The following ZNF423 variants were observed in gnomAD, a reference collection of about 807,000 sequenced individuals.
ZNF423 encodes the protein Ebf-associated zinc finger protein.
A neutral mutation model predicts 95.8 loss-of-function variants in ZNF423; 12 were observed. The ratio of observed to expected loss-of-function variants is 0.13; its 90% CI spans 0.08 to 0.20. The LOEUF (loss-of-function observed/expected upper bound fraction) is 0.20, where lower values mean the gene tolerates loss of function less well. Among genes scored for constraint, ZNF423 ranks in the 10% least tolerant of loss-of-function variants. The pLI is 1.00. For synonymous variants in ZNF423, 749 were observed against 711.9 expected, an observed-to-expected ratio of 1.05 and a Z score of -0.83; for missense variants, 1,316 against 1,737.1, an observed-to-expected ratio of 0.76 and a Z score of 4.31.
At chr16:49,803,855 G>A (rs1225786334) in intron 1 of ZNF423, among the ~76,000 whole-genome samples, 3 of 151,882 alleles carry the variant, frequency 2.0e-5, no homozygotes, top group Non-Finnish European at 2.9e-5. Flanking sequence ...AGAGCTCAAG[G>A]TGGGGTCTCT....
Position 49,637,550 on chromosome 16 carries a change from C to T in ZNF423, c.1626G>A (p.Glu542=). ...CACTGCAGTGGGCCTGCTGGATGTG[C>T]TCGGTGAGGGAGGACTCAGTAAGGA... ...MGFLTESSLT[E]HIQQAHCSVG... Residue 542 remains glutamate (E), a synonymous_variant, in exon 4 of 8, where the codon GAG becomes GAA. Transcript: ENST00000563137. This position sits in a 1 kb window ranked among gnomAD's most constrained non-coding sequence, Gnocchi z 5.6. 1.9e-6 allele frequency: 3 copies of T among 1,613,952 alleles called. No individual in the cohort carries two copies. Among genetic ancestry groups the T allele is most frequent in the South Asian group, 1.1e-5 (1 of 91,050 alleles).
At chr16:49,679,057 C>T (rs1243838346) in intron 3 of ZNF423, among the ~76,000 whole-genome samples, 1 of 152,224 alleles carries the variant, frequency 6.6e-6, no homozygotes, top group African/African-American at 2.4e-5. Flanking sequence ...ATCCTCCCAT[C>T]TCAGCTTCTC....
chr16:49,823,500 C>G (rs965530693), intron 1 of ZNF423, among the ~76,000 whole-genome samples: 1 of 152,192 alleles, frequency 6.6e-6, no homozygotes, highest in Non-Finnish European at 1.5e-5. Context: ...AAGCTGGTGT[C>G]TGAACAGGCC....
intron 5 of ZNF423, among the ~76,000 whole-genome samples, chr16:49,547,377 C>T (rs903817204): frequency 5.9e-5 from 9 of 152,142 alleles, no homozygotes; most frequent in African/African-American, 1.2e-4. Flanking sequence ...TACCAAAAGA[C>T]GACACTAAGG....
chr16:49,647,020 C>T (rs1284530149), intron 3 of ZNF423, among the ~76,000 whole-genome samples: 1 of 152,240 alleles, frequency 6.6e-6, no homozygotes, highest in Non-Finnish European at 1.5e-5. Flanking sequence ...TCTGAGCGCA[C>T]AGACATTGCA....
chr16:49,704,815 G>A (rs1379327616), intron 3 of ZNF423, among the ~76,000 whole-genome samples: 5 of 152,114 alleles, frequency 3.3e-5, no homozygotes, highest in South Asian at 2.1e-4. Flanking sequence ...GGCTGCCAGA[G>A]CTTGGAACCA....
chr16:49,746,529 G>A (rs575618105), intron 2 of ZNF423, among the ~76,000 whole-genome samples: 1 of 152,128 alleles, frequency 6.6e-6, no homozygotes, highest in Non-Finnish European at 1.5e-5. Flanking sequence ...CCTGGCTGGA[G>A]AGCAGTGGCA....
intron 5 of ZNF423, 78 bp from the exon 6 acceptor site, chr16:49,525,572 ACCCCAGCACTAACCCCCCTCCAAT>A: frequency 6.3e-7 from 1 of 1,579,546 alleles, no homozygotes; most frequent in Non-Finnish European, 8.6e-7. Context: ...CCTCCCATAG[ACCCCAGCACTAACCCCCCTCCAAT>A]CCCCAGCACC....
At chr16:49,589,190 T>A (rs1349547490) in intron 5 of ZNF423, among the ~76,000 whole-genome samples, 3 of 152,162 alleles carry the variant, frequency 2.0e-5, no homozygotes, top group Non-Finnish European at 4.4e-5. Flanking sequence ...TCAAAGTCCA[T>A]CACAAAGGGG....
intron 3 of ZNF423, among the ~76,000 whole-genome samples, chr16:49,677,223 C>A: frequency 4.8e-5 from 2 of 41,626 alleles, no homozygotes; most frequent in Non-Finnish European, 1.1e-4. Flanking sequence ...AACATAGAAA[C>A]AAGAAAAGAG....
chr16:49,695,823 T>C lies in ZNF423; in HGVS notation c.301+34948A>G, dbSNP rs116418409. On this transcript the variant is annotated intron_variant, in intron 3 of 7. Transcript: ENST00000563137. ...CTGGAATCCAGACTAGACAATTTAG[T>C]ACAAGAAGGACAACAGCTACTACTG... Among the ~76,000 whole-genome samples, 606 of 152,316 alleles carry C rather than the reference T, an allele frequency of 4.0e-3. 7 individuals carry two copies. The highest frequency in any genetic ancestry group is 0.014 in the African/African-American group (564 of 41,570).
intron 3 of ZNF423, among the ~76,000 whole-genome samples, chr16:49,645,571 A>G (rs1973139288): frequency 6.6e-6 from 1 of 152,202 alleles, no homozygotes; most frequent in South Asian, 2.1e-4. Flanking sequence ...TCTTCCAAAA[A>G]AGGAGCTGTC....
chr16:49,533,726 C>G (rs1482837500), intron 5 of ZNF423, among the ~76,000 whole-genome samples: 1 of 152,226 alleles, frequency 6.6e-6, no homozygotes, highest in Non-Finnish European at 1.5e-5. Context: ...GGAGGAGAAT[C>G]CTGGCTCTGC....
At chr16:49,609,243 G>A (rs1971639502) in intron 5 of ZNF423, among the ~76,000 whole-genome samples, 1 of 152,124 alleles carries the variant, frequency 6.6e-6, no homozygotes, top group African/African-American at 2.4e-5. Context: ...TGGGGTCAAA[G>A]GAAGCCAGCT....
chr16:49,815,871 AAAAAAAAAAAATATATAT>A (rs1567355998), intron 1 of ZNF423, among the ~76,000 whole-genome samples: 2 of 25,834 alleles, frequency 7.7e-5, no homozygotes, highest in African/African-American at 3.6e-4. Context: ...CCAAACAAAC[AAAAAAAAAAAATATATAT>A]ATATATATAT....
At chr16:49,523,504 CCT>C (rs1355019088) in intron 7 of ZNF423, 118 bp downstream of exon 7, 6 of 794,460 alleles carry the variant, frequency 7.6e-6, no homozygotes, top group East Asian at 5.3e-5. Flanking sequence ...GAGGTCAGCC[CCT>C]GATTGCAGAC....
At chr16:49,651,141 T>C (rs2356616) in intron 3 of ZNF423, among the ~76,000 whole-genome samples, 114,175 of 150,952 alleles carry the variant, frequency 0.76, 43,647 homozygotes, top group South Asian at 0.86. Context: ...CTGCCTCAGC[T>C]TCCCAAGTAG....
chr16:49,763,775 A>C (rs922447964), intron 2 of ZNF423, among the ~76,000 whole-genome samples: 4 of 152,104 alleles, frequency 2.6e-5, no homozygotes, highest in African/African-American at 9.7e-5. Flanking sequence ...TTGTTTTCCA[A>C]AGGGTCAGTT....
chr16:49,682,276 C>T (rs1170036500), intron 3 of ZNF423, among the ~76,000 whole-genome samples: 1 of 151,352 alleles, frequency 6.6e-6, no homozygotes, highest in East Asian at 1.9e-4. Context: ...ATTCTCCAAC[C>T]GTCTCCCTGG....
Sources: gnomAD v4.1 joint callset for allele counts (sites outside exome capture counted in the v4.1 genomes callset) on GRCh38, gnomAD v4.1.1 for gene constraint, Gnocchi (gnomAD v3.1) non-coding constraint, MANE v1.5 for transcripts, NCBI Gene and HGNC (gene_info 2026-07-23, HGNC 2026-07-21) for gene names.